Variants in PDCD10 observed in about 807,000 individuals in gnomAD.
The protein encoded by PDCD10 is programmed cell death 10.
In PDCD10, 4 loss-of-function variants were observed where a neutral mutation model predicts 29.2. The ratio of observed to expected loss-of-function variants is 0.14; its 90% CI spans 0.07 to 0.31. The LOEUF (loss-of-function observed/expected upper bound fraction) is 0.31, where lower values mean the gene tolerates loss of function less well. Among genes scored for constraint, PDCD10 ranks in the 10% least tolerant of loss-of-function variants. The probability of loss-of-function intolerance (pLI) is 1.00; values close to 1 mark genes in which losing one functional copy is unlikely to be tolerated. For synonymous variants in PDCD10, 70 were observed against 82.2 expected (o/e 0.85, Z 0.80); for missense variants, 183 against 257.9 (o/e 0.71, Z 1.99).
chr3:167,684,644 C>T (rs1457164223), intron 8 of PDCD10, among the ~76,000 whole-genome samples: 2 of 152,036 alleles, frequency 1.3e-5, no homozygotes, highest in East Asian at 3.9e-4. Context: ...CTCAACAACC[C>T]AGTTCATTTA....
At chr3:167,725,089 T>G (rs1383231576) in intron 2 of PDCD10, among the ~76,000 whole-genome samples, 1 of 152,014 alleles carries the variant, frequency 6.6e-6, no homozygotes, top group African/African-American at 2.4e-5. Context: ...AAACCCCATC[T>G]CTACTAAAAA....
At chr3:167,729,734 T>C (rs143923899) in intron 2 of PDCD10, among the ~76,000 whole-genome samples, 1 of 152,292 alleles carries the variant, frequency 6.6e-6, no homozygotes, top group Non-Finnish European at 1.5e-5. Flanking sequence ...TTAAGGCAAT[T>C]TCACAAGTAA....
intron 2 of PDCD10, among the ~76,000 whole-genome samples, chr3:167,727,353 G>T (rs1724298245): frequency 6.6e-6 from 1 of 152,120 alleles, no homozygotes; most frequent in African/African-American, 2.4e-5. Context: ...CTTTAGTTGT[G>T]ACAATCCTCA....
chr3:167,685,396 CAAAA>C (rs1184281849), intron 8 of PDCD10, among the ~76,000 whole-genome samples: 227 of 55,952 alleles, frequency 4.1e-3, no homozygotes, highest in Non-Finnish European at 5.2e-3. Flanking sequence ...ACTCTGTCTC[CAAAA>C]AAAAAAAAAA....
chr3:167,720,199 G>A lies in PDCD10; in HGVS notation c.-42C>T. 1 of 1,301,296 alleles carries A rather than the reference G, an allele frequency of 7.7e-7. No homozygotes were observed. The allele number at this position is 1,301,296 out of a possible 1,614,324, so 80.6% of individuals were successfully genotyped here. On this transcript the variant is annotated 5_prime_UTR_variant, in exon 3 of 9. Coordinates refer to ENST00000392750, the MANE Select transcript of PDCD10 (RefSeq NM_007217.4). ...GTTGAAAAAGCAGTGCTAAAATGCA[G>A]AGGAATCTTCATTCACTGCAATATT...
intron 3 of PDCD10, among the ~76,000 whole-genome samples, chr3:167,711,386 C>T (rs1722506791): frequency 6.6e-6 from 1 of 152,138 alleles, no homozygotes; most frequent in South Asian, 2.1e-4. Flanking sequence ...AACTGGCATA[C>T]TGAAGAATGC....
chr3:167,720,380 A>G, intron 2 of PDCD10, 107 bp from the exon 3 acceptor site: 1 of 500,280 alleles, frequency 2.0e-6, no homozygotes, highest in East Asian at 3.5e-5. Flanking sequence ...ATGAAAAGCT[A>G]TTTTTTAATA....
At chr3:167,716,763 G>A (rs1334880403) in intron 3 of PDCD10, among the ~76,000 whole-genome samples, 1 of 151,910 alleles carries the variant, frequency 6.6e-6, no homozygotes. Flanking sequence ...ATACTTTTGT[G>A]TAATTTATTA....
At position 167,726,345 on chromosome 3, in the gene PDCD10, C is replaced by T. The variant is rs148117813; in HGVS notation, c.-116-6072G>A. Among the ~76,000 whole-genome samples the T allele has an allele frequency of 2.5e-3, 379 of 152,008 alleles. 1 individual carries two copies. The highest frequency in any genetic ancestry group is 8.8e-3 in the African/African-American group (363 of 41,476). ...AACTCCTGACCTCAGGTGATCCACC[C>T]GCCTCAGCCTCCCAAAGTGCTGGGA... On this transcript the variant is annotated intron_variant, in intron 2 of 8. Transcript: ENST00000392750.
Position 167,683,437 on chromosome 3 carries a change from T to C in PDCD10, c.*871A>G, listed in dbSNP as rs928175810. ...AGAGTGTATATAATATTAACACTCA[T>C]GACAATTTCAATCCAACCGTTGATA... On this transcript the variant is annotated 3_prime_UTR_variant, in exon 9 of 9. Transcript: ENST00000392750. The C allele has an allele frequency of 3.3e-5, 5 of 152,044 alleles. No homozygotes were observed. Among genetic ancestry groups the C allele is most frequent in the Non-Finnish European group, 5.9e-5 (4 of 67,928 alleles). The allele number at this position is 152,044 out of a possible 1,614,324, so 9.4% of individuals were successfully genotyped here.
intron 2 of PDCD10, among the ~76,000 whole-genome samples, chr3:167,725,106 A>G (rs980330070): frequency 6.6e-6 from 1 of 151,924 alleles, no homozygotes; most frequent in Admixed American, 6.6e-5. Context: ...AAAATACATA[A>G]ACTAGCCAGA....
intron 4 of PDCD10, among the ~76,000 whole-genome samples, chr3:167,698,827 C>T (rs182486914): frequency 7.9e-4 from 120 of 152,172 alleles, no homozygotes; most frequent in Middle Eastern, 3.4e-3. Flanking sequence ...GGTTAAAATG[C>T]TGAAAGTCTG....
intron 3 of PDCD10, among the ~76,000 whole-genome samples, chr3:167,705,989 C>T (rs917095203): frequency 2.0e-5 from 3 of 152,090 alleles, no homozygotes; most frequent in African/African-American, 7.2e-5. Flanking sequence ...AACCCATTTC[C>T]TTACTTAGGT....
intron 2 of PDCD10, among the ~76,000 whole-genome samples, chr3:167,730,104 T>C (rs1047273762): frequency 6.6e-6 from 1 of 152,116 alleles, no homozygotes; most frequent in African/African-American, 2.4e-5. Context: ...AAAATTGAAA[T>C]TACCATCTTC....
In PDCD10 at chr3:167,683,769, T is replaced by C. The variant is rs186138351; in HGVS notation, c.*539A>G. 6.0e-5 allele frequency: 9 copies of C among 150,910 alleles called. No homozygotes were observed. Among genetic ancestry groups the C allele is most frequent in the Non-Finnish European group, 1.3e-4 (9 of 67,642 alleles). The allele number at this position is 150,910 out of a possible 1,614,324, so 9.3% of individuals were successfully genotyped here. On this transcript the variant is annotated 3_prime_UTR_variant, in exon 9 of 9. Transcript: ENST00000392750. ...AAAATAGAAATTCTTGCTTTATTAT[T>C]TGATAAACTGCTGATAAGCTCCCAT...
intron 2 of PDCD10, among the ~76,000 whole-genome samples, chr3:167,722,363 A>G (rs911853635): frequency 2.6e-5 from 4 of 152,192 alleles, no homozygotes; most frequent in African/African-American, 9.7e-5. Flanking sequence ...TTATAAAAGG[A>G]AAGTCAGAAA....
At chr3:167,719,401 A>T (rs1723348105) in intron 3 of PDCD10, among the ~76,000 whole-genome samples, 1 of 152,106 alleles carries the variant, frequency 6.6e-6, no homozygotes, top group Admixed American at 6.6e-5. Flanking sequence ...GAATTAAATA[A>T]TCTCTAAGAA....
chr3:167,700,496 A>G (rs1490263538), intron 4 of PDCD10, among the ~76,000 whole-genome samples: 7 of 150,378 alleles, frequency 4.7e-5, no homozygotes, highest in Non-Finnish European at 1.0e-4. Flanking sequence ...AAAAAAAAAA[A>G]GGAAATTCAT....
At chr3:167,723,658 C>T (rs761028569) in intron 2 of PDCD10, among the ~76,000 whole-genome samples, 2 of 152,186 alleles carry the variant, frequency 1.3e-5, no homozygotes, top group Non-Finnish European at 2.9e-5. Context: ...AAGAACTTTA[C>T]GTCTCACGTT....
Sources: gnomAD v4.1 joint callset for allele counts (sites outside exome capture counted in the v4.1 genomes callset) on GRCh38, gnomAD v4.1.1 for gene constraint, MANE v1.5 for transcripts, NCBI Gene and HGNC (gene_info 2026-07-23, HGNC 2026-07-21) for gene names.